The following TSEN15 variants were observed in gnomAD, a reference collection of about 807,000 sequenced individuals.
TSEN15 encodes tRNA-splicing endonuclease subunit Sen15.
TSEN15 carries 10 observed loss-of-function variants against 20.5 expected under a neutral mutation model. That is an observed-to-expected ratio of 0.49 (90% CI 0.30 to 0.83). The LOEUF (loss-of-function observed/expected upper bound fraction) is 0.83, where lower values mean the gene tolerates loss of function less well. Ranked by LOEUF, TSEN15 falls within the 40% of genes least tolerant of loss-of-function variation. The pLI, the probability that TSEN15 is intolerant of heterozygous loss-of-function variation, is 0.06. For missense variants in TSEN15, 180 were observed against 218.6 expected (o/e 0.82, Z 1.11); for synonymous variants, 72 against 80.1 (o/e 0.90, Z 0.54).
chr1:184,064,892 C>T (rs901825943), intron 3 of TSEN15, among the ~76,000 whole-genome samples: 9 of 152,162 alleles, frequency 5.9e-5, no homozygotes, highest in Non-Finnish European at 1.2e-4. Flanking sequence ...ATACTCACTC[C>T]CTAAGCGGCC....
chr1:184,072,385 ACTGCC>A, intron 4 of TSEN15, 87 bp downstream of exon 4: 1 of 1,228,038 alleles, frequency 8.1e-7, no homozygotes, highest in Non-Finnish European at 1.1e-6. Context: ...CAGTCACAGA[ACTGCC>A]ACTTCCTTTG....
At chr1:184,094,900 C>A (rs1378299188) in intron 3 of TSEN15, 6 of 396,852 alleles carry the variant, frequency 1.5e-5, no homozygotes, top group Non-Finnish European at 2.7e-5. Context: ...GGGGTACTAG[C>A]TCCCAGGCTG....
chr1:184,065,665 T>C (rs1388359561), intron 3 of TSEN15, among the ~76,000 whole-genome samples: 2 of 152,224 alleles, frequency 1.3e-5, no homozygotes, highest in Non-Finnish European at 2.9e-5. Flanking sequence ...GTATCCCTGC[T>C]AGCATGGCAT....
intron 1 of TSEN15, among the ~76,000 whole-genome samples, chr1:184,052,737 C>T (rs1441262525): frequency 6.6e-6 from 1 of 152,134 alleles, no homozygotes; most frequent in Non-Finnish European, 1.5e-5. Context: ...TCCCCTTCAT[C>T]CTCCCAAAAG....
At chr1:184,059,554 T>C (rs1239219357) in intron 3 of TSEN15, among the ~76,000 whole-genome samples, 1 of 152,154 alleles carries the variant, frequency 6.6e-6, no homozygotes, top group Non-Finnish European at 1.5e-5. Flanking sequence ...TAAGAATAGC[T>C]GGGACATGTA....
intron 3 of TSEN15, among the ~76,000 whole-genome samples, chr1:184,086,005 T>A (rs1381655736): frequency 2.0e-5 from 3 of 152,194 alleles, no homozygotes; most frequent in Admixed American, 6.5e-5. Context: ...ATACAAAATG[T>A]ATGCAAAGAG....
chr1:184,071,405 T>G (rs1650877387), intron 3 of TSEN15, among the ~76,000 whole-genome samples: 1 of 151,968 alleles, frequency 6.6e-6, no homozygotes, highest in Non-Finnish European at 1.5e-5. Flanking sequence ...CCTCTTAACT[T>G]TATAAAAAGA....
intron 3 of TSEN15, among the ~76,000 whole-genome samples, chr1:184,068,255 C>T (rs2102891014): frequency 6.6e-6 from 1 of 152,150 alleles, no homozygotes; most frequent in East Asian, 1.9e-4. Flanking sequence ...ATGCTACATA[C>T]TTTCTTGAAG....
intron 3 of TSEN15, among the ~76,000 whole-genome samples, chr1:184,087,349 A>G (rs1651281448): frequency 6.6e-6 from 1 of 152,182 alleles, no homozygotes; most frequent in African/African-American, 2.4e-5. Context: ...TCATACTTAT[A>G]GCATCCTTTG....
rs1386091060 is a variant in TSEN15, at chr1:184,058,127, T to C, written c.353+3264T>C. 3 of 428,004 alleles carry C rather than the reference T, an allele frequency of 7.0e-6. No individual in the cohort carries two copies. The East Asian group carries it at 2.2e-4, about 32-fold the overall frequency. 26.5% of individuals were successfully genotyped at this position (428,004 alleles called of 1,614,324 possible). On this transcript the variant is annotated intron_variant, in intron 3 of 4. Coordinates refer to ENST00000645668, the MANE Select transcript of TSEN15 (RefSeq NM_052965.4). ...CATTTCATAAGTCTAGAAGTACAAATTTGTTTCCATTGTTAATTTCTAGTA... is the reference window on the plus strand; with the variant it reads ...CATTTCATAAGTCTAGAAGTACAAACTTGTTTCCATTGTTAATTTCTAGTA...
chr1:184,076,461 C>A (rs189579277), downstream of TSEN15, among the ~76,000 whole-genome samples: 1 of 152,186 alleles, frequency 6.6e-6, no homozygotes, highest in East Asian at 1.9e-4. Flanking sequence ...CTCCCTATTC[C>A]CTGAGAAACA....
At chr1:184,082,155 C>G (rs1298341204) in intron 3 of TSEN15, among the ~76,000 whole-genome samples, 3 of 152,222 alleles carry the variant, frequency 2.0e-5, no homozygotes, top group African/African-American at 7.2e-5. Flanking sequence ...AGGACACTTT[C>G]AGGGTGCATT....
chr1:184,056,178 G>T (rs1014171279), intron 3 of TSEN15, among the ~76,000 whole-genome samples: 1 of 152,046 alleles, frequency 6.6e-6, no homozygotes, highest in African/African-American at 2.4e-5. Context: ...TTTCAAAGTG[G>T]TTGCCTCAAT....
intron 3 of TSEN15, among the ~76,000 whole-genome samples, chr1:184,057,703 C>G (rs1347881299): frequency 6.6e-6 from 1 of 152,160 alleles, no homozygotes. Flanking sequence ...CCATATTAAA[C>G]TAAATTTGCA....
At chr1:184,070,496 G>A (rs1650842007) in intron 3 of TSEN15, 1 of 358,126 alleles carries the variant, frequency 2.8e-6, no homozygotes, top group African/African-American at 2.1e-5. Flanking sequence ...AAAAGATGTA[G>A]ATAAGTTAAA....
At chr1:184,082,963 C>G (rs2102901805) in intron 3 of TSEN15, among the ~76,000 whole-genome samples, 2 of 152,208 alleles carry the variant, frequency 1.3e-5, no homozygotes, top group South Asian at 4.1e-4. Context: ...AAAAATTATC[C>G]AGTTACATTC....
chr1:184,072,742 AATTAC>A, intron 4 of TSEN15, 80 bp from the exon 5 acceptor site: 4 of 1,128,950 alleles, frequency 3.5e-6, no homozygotes, highest in African/African-American at 1.6e-5. Context: ...TAATTTGGAT[AATTAC>A]ATTAAATATC....
chr1:184,052,787 G>A (rs145578458), intron 1 of TSEN15, among the ~76,000 whole-genome samples: 32 of 152,272 alleles, frequency 2.1e-4, no homozygotes, highest in Non-Finnish European at 3.2e-4. Flanking sequence ...ATTATTTAGT[G>A]CCCTTTTAGG....
At chr1:184,091,084 A>G (rs1255128217) in intron 3 of TSEN15, among the ~76,000 whole-genome samples, 1 of 152,210 alleles carries the variant, frequency 6.6e-6, no homozygotes, top group African/African-American at 2.4e-5. Flanking sequence ...GTCATCCTCT[A>G]GTCTCAGTAC....
Sources: allele counts gnomAD v4.1 joint callset (sites outside exome capture counted in the v4.1 genomes callset), GRCh38; gene constraint gnomAD v4.1.1; transcripts MANE v1.5; gene names NCBI Gene and HGNC (gene_info 2026-07-23, HGNC 2026-07-21).